The following RHOU variants were observed in gnomAD, a reference collection of about 807,000 sequenced individuals.
RHOU encodes the protein rho-related GTP-binding protein RhoU.
Under a neutral mutation model 12.6 loss-of-function variants are expected in RHOU, and 8 were observed. That is an observed-to-expected ratio of 0.64 (90% CI 0.37 to 1.15). The LOEUF is 1.15. Ranked by LOEUF, RHOU falls within the 50% of genes most tolerant of loss-of-function variation. The pLI, the probability that RHOU is intolerant of heterozygous loss-of-function variation, is 0.01. For synonymous variants in RHOU, 161 were observed against 147.4 expected (o/e 1.09, Z -0.67); for missense variants, 258 against 347.0 (o/e 0.74, Z 2.04).
chr1:228,706,630 C>T, the RHOU span, among the ~76,000 whole-genome samples: 2 of 152,292 alleles, frequency 1.3e-5, no homozygotes, highest in East Asian at 1.9e-4. Flanking sequence ...CGGCTTTAGG[C>T]TGAACTTAAT....
At chr1:228,663,510 G>A in the RHOU span, among the ~76,000 whole-genome samples, 1 of 149,296 alleles carries the variant, frequency 6.7e-6, no homozygotes, top group Non-Finnish European at 1.5e-5. Context: ...TTGAGTTTAA[G>A]AAGAAAAAAG....
the RHOU span, among the ~76,000 whole-genome samples, chr1:228,715,373 A>C: frequency 6.6e-6 from 1 of 152,008 alleles, no homozygotes; most frequent in African/African-American, 2.4e-5. Flanking sequence ...TTTTCATCCA[A>C]GAGTCCTTAG....
the RHOU span, among the ~76,000 whole-genome samples, chr1:228,684,704 A>T: frequency 1.3e-5 from 2 of 152,110 alleles, no homozygotes; most frequent in Non-Finnish European, 2.9e-5. Context: ...CACCCCCATA[A>T]GGCAGGAAAA....
At chr1:228,681,731 A>G in the RHOU span, among the ~76,000 whole-genome samples, 1 of 152,154 alleles carries the variant, frequency 6.6e-6, no homozygotes, top group Non-Finnish European at 1.5e-5. Flanking sequence ...ATTTTAGGTC[A>G]GGCAAGAGGT....
At chr1:228,654,734 A>G in the RHOU span, among the ~76,000 whole-genome samples, 1 of 152,220 alleles carries the variant, frequency 6.6e-6, no homozygotes, top group Admixed American at 6.5e-5. Context: ...CTAGTGGGTA[A>G]CTTTGGCAAC....
the RHOU span, among the ~76,000 whole-genome samples, chr1:228,716,168 T>C: frequency 1.3e-5 from 2 of 152,184 alleles, no homozygotes; most frequent in South Asian, 4.1e-4. Flanking sequence ...TCCTCCTGCA[T>C]TGGTCTTCCA....
the RHOU span, among the ~76,000 whole-genome samples, chr1:228,714,191 A>G: frequency 6.6e-6 from 1 of 151,314 alleles, no homozygotes; most frequent in South Asian, 2.1e-4. Context: ...CCACTTGGCC[A>G]TGGTGTATTA....
the RHOU span, chr1:228,687,800 C>T: frequency 0.01 from 13,300 of 1,325,122 alleles, 83 homozygotes; most frequent in Non-Finnish European, 0.012. Context: ...ACAAGCACAC[C>T]CTGGGGGACA....
the RHOU span, among the ~76,000 whole-genome samples, chr1:228,658,000 G>T: frequency 6.6e-6 from 1 of 152,130 alleles, no homozygotes; most frequent in Admixed American, 6.6e-5. Context: ...GTGGACAGTG[G>T]CCTGGGGTGG....
the RHOU span, among the ~76,000 whole-genome samples, chr1:228,661,745 A>G: frequency 6.6e-6 from 1 of 152,228 alleles, no homozygotes; most frequent in Non-Finnish European, 1.5e-5. Flanking sequence ...AACCTAGGCA[A>G]TACCATTCAG....
the RHOU span, among the ~76,000 whole-genome samples, chr1:228,646,790 G>T: frequency 1.3e-5 from 2 of 151,974 alleles, no homozygotes; most frequent in Non-Finnish European, 2.9e-5. Context: ...GCGAGCACGG[G>T]TGCGCAGACG....
the RHOU span, chr1:228,647,994 G>C: frequency 6.6e-6 from 1 of 152,252 alleles, no homozygotes; most frequent in African/African-American, 2.4e-5. Flanking sequence ...CACGAGATCA[G>C]AGGAGACCGG....
the RHOU span, among the ~76,000 whole-genome samples, chr1:228,648,975 C>A: frequency 2.0e-5 from 3 of 152,058 alleles, no homozygotes; most frequent in Admixed American, 2.0e-4. Context: ...GCCATTCTCT[C>A]GCCTCAGCCT....
Position 228,737,835 on chromosome 1 carries a change from C to G in RHOU, c.321+104C>G. 1 of 1,261,662 alleles carries G rather than the reference C, an allele frequency of 7.9e-7. No homozygotes were observed. Among genetic ancestry groups the G allele is most frequent in the Non-Finnish European group, 1.1e-6 (1 of 875,576 alleles). The allele number at this position is 1,261,662 out of a possible 1,614,324, so 78.2% of individuals were successfully genotyped here. A position where few individuals can be genotyped will look rare whatever the true frequency, so the allele number is the denominator to read the frequency against. ...GTCAGTAACTGGGTCATTCTAAAGC[C>G]TCATGAAGTGGACCCACCCCTGCTG... is the stretch of plus-strand genomic sequence containing the variant. On this transcript the variant is annotated intron_variant, in intron 2 of 2. Coordinates refer to ENST00000366691, the MANE Select transcript of RHOU (RefSeq NM_021205.6). The surrounding 1 kb of genome is among the most constrained non-coding windows in gnomAD (Gnocchi z 4.1).
the RHOU span, among the ~76,000 whole-genome samples, chr1:228,653,577 C>G: frequency 1.0e-3 from 155 of 152,288 alleles, no homozygotes; most frequent in Admixed American, 2.0e-3. Flanking sequence ...CTTCGGCCTC[C>G]CAAAGTGCTG....
At chr1:228,663,772 A>ACG in the RHOU span, among the ~76,000 whole-genome samples, 1 of 149,548 alleles carries the variant, frequency 6.7e-6, no homozygotes. Context: ...AGCTGGGATT[A>ACG]CGCGCGCGCG....
chr1:228,711,341 G>A, the RHOU span, among the ~76,000 whole-genome samples: 8 of 152,096 alleles, frequency 5.3e-5, no homozygotes, highest in South Asian at 4.2e-4. Flanking sequence ...AAAAGAGCCC[G>A]CATCGCCAAG....
chr1:228,691,176 T>G, the RHOU span, among the ~76,000 whole-genome samples: 1 of 152,168 alleles, frequency 6.6e-6, no homozygotes, highest in African/African-American at 2.4e-5. Flanking sequence ...CCATATCCTC[T>G]TTCCAGGCCT....
chr1:228,648,740 C>T, the RHOU span, among the ~76,000 whole-genome samples: 1 of 152,058 alleles, frequency 6.6e-6, no homozygotes, highest in East Asian at 1.9e-4. Flanking sequence ...ATTTTTGAGA[C>T]AGAGTCACAT....
Sources: allele counts gnomAD v4.1 joint callset (sites outside exome capture counted in the v4.1 genomes callset), GRCh38; gene constraint gnomAD v4.1.1; non-coding constraint Gnocchi (gnomAD v3.1); transcripts MANE v1.5; gene names NCBI Gene and HGNC (gene_info 2026-07-23, HGNC 2026-07-21).